Variants in PRR33 observed in about 807,000 individuals in gnomAD.
PRR33 encodes proline-rich protein 33.
A neutral mutation model predicts 0.5 loss-of-function variants in PRR33; 1 was observed. That is an observed-to-expected ratio of 2.18 (90% CI 0.77 to 10.34). The LOEUF is 10.34. Among genes scored for constraint, PRR33 ranks in the 30% most tolerant of loss-of-function variants. The probability of loss-of-function intolerance (pLI) is 0.13; values close to 1 mark genes in which losing one functional copy is unlikely to be tolerated. For missense variants in PRR33, 552 were observed against 251.8 expected (o/e 2.19, Z -8.07); for synonymous variants, 226 against 110.0 (o/e 2.06, Z -6.60).
At chr11:1,907,407 C>G in the PRR33 span, among the ~76,000 whole-genome samples, 1 of 152,178 alleles carries the variant, frequency 6.6e-6, no homozygotes, top group East Asian at 1.9e-4. Context: ...CAGCACACAT[C>G]TCTCTAGCTT....
chr11:1,914,787 G>A, the PRR33 span, among the ~76,000 whole-genome samples: 1 of 145,314 alleles, frequency 6.9e-6, no homozygotes, highest in Non-Finnish European at 1.5e-5. Context: ...TGTGGGTTGT[G>A]GGGTGTACAC....
upstream of PRR33, among the ~76,000 whole-genome samples, chr11:1,894,933 A>C (rs1298580344): frequency 1.3e-5 from 2 of 152,072 alleles, no homozygotes; most frequent in African/African-American, 4.8e-5. Flanking sequence ...CATCTCGCTG[A>C]CTTTGGCCCT....
the PRR33 span, among the ~76,000 whole-genome samples, chr11:1,905,755 G>A: frequency 6.6e-6 from 1 of 151,638 alleles, no homozygotes; most frequent in Non-Finnish European, 1.5e-5. Flanking sequence ...CACCTGGCCA[G>A]TTAAACCATA....
chr11:1,909,642 T>C, the PRR33 span, among the ~76,000 whole-genome samples: 4 of 152,010 alleles, frequency 2.6e-5, no homozygotes, highest in Non-Finnish European at 4.4e-5. Context: ...TAGCCAGGCA[T>C]GGCAGTGGGC....
chr11:1,898,798 C>T, the PRR33 span, among the ~76,000 whole-genome samples: 3 of 152,042 alleles, frequency 2.0e-5, no homozygotes, highest in Non-Finnish European at 4.4e-5. Context: ...GTCAGGAGTT[C>T]GAGACCAGCC....
the PRR33 span, among the ~76,000 whole-genome samples, chr11:1,900,420 C>T: frequency 8.5e-5 from 13 of 152,198 alleles, no homozygotes; most frequent in Non-Finnish European, 1.9e-4. Flanking sequence ...ACCAGTCAAT[C>T]TTTCCATTAG....
the PRR33 span, among the ~76,000 whole-genome samples, chr11:1,906,693 C>T: frequency 1.3e-5 from 2 of 152,176 alleles, no homozygotes; most frequent in Admixed American, 6.6e-5. Context: ...CACCGCTGTG[C>T]GTGATAGGGT....
chr11:1,904,701 G>T, the PRR33 span, among the ~76,000 whole-genome samples: 2 of 151,332 alleles, frequency 1.3e-5, no homozygotes, highest in East Asian at 2.0e-4. Flanking sequence ...ACAGATGGGG[G>T]TCTCACTATG....
the PRR33 span, among the ~76,000 whole-genome samples, chr11:1,898,711 C>T: frequency 2.6e-5 from 4 of 151,882 alleles, no homozygotes; most frequent in African/African-American, 9.7e-5. Flanking sequence ...GCACCCTCAA[C>T]ATTTTTCACC....
chr11:1,912,071 G>A, the PRR33 span, among the ~76,000 whole-genome samples: 1 of 150,894 alleles, frequency 6.6e-6, no homozygotes, highest in South Asian at 2.1e-4. Flanking sequence ...ATGTGAGAGG[G>A]TGAGGTGGGG....
exon 1 of PRR33, chr11:1,890,304 C>T (rs1377866335): frequency 1.7e-5 from 12 of 710,568 alleles, no homozygotes; most frequent in Middle Eastern, 2.3e-4. Flanking sequence ...TTCAGGAAGG[C>T]GTGGGGCTTC....
the PRR33 span, among the ~76,000 whole-genome samples, chr11:1,912,745 C>T: frequency 6.6e-6 from 1 of 152,178 alleles, no homozygotes; most frequent in Non-Finnish European, 1.5e-5. Context: ...GCTGGGATTA[C>T]AGGCACCTGC....
chr11:1,911,591 T>G, the PRR33 span, among the ~76,000 whole-genome samples: 1 of 151,966 alleles, frequency 6.6e-6, no homozygotes, highest in Non-Finnish European at 1.5e-5. Context: ...CTAATTTTTT[T>G]TGTATTTTTG....
chr11:1,906,134 T>G, the PRR33 span, among the ~76,000 whole-genome samples: 1 of 152,064 alleles, frequency 6.6e-6, no homozygotes, highest in Non-Finnish European at 1.5e-5. Flanking sequence ...CCCCTCTGCT[T>G]CTTAATAGGG....
At chr11:1,902,749 A>T in the PRR33 span, 1 of 152,102 alleles carries the variant, frequency 6.6e-6, no homozygotes, top group East Asian at 1.9e-4. Flanking sequence ...CAAAGCAAAA[A>T]CAAGTTTACT....
At chr11:1,891,441 GCCT>G (rs1335239518) in exon 1 of PRR33, 3 of 152,326 alleles carry the variant, frequency 2.0e-5, no homozygotes, top group African/African-American at 7.2e-5. Flanking sequence ...TCAGCTACCG[GCCT>G]CCTCTGGATG....
chr11:1,890,264 C>T, exon 1 of PRR33: 1 of 713,860 alleles, frequency 1.4e-6, no homozygotes, highest in Non-Finnish European at 2.6e-6. Context: ...GGGCAGCCAC[C>T]ATGCGGGGAG....
chr11:1,917,174 G>C, the PRR33 span, among the ~76,000 whole-genome samples: 5 of 152,216 alleles, frequency 3.3e-5, no homozygotes, highest in East Asian at 9.6e-4. Flanking sequence ...CCCACAGCTG[G>C]GCCGAGCGGC....
the PRR33 span, among the ~76,000 whole-genome samples, chr11:1,912,903 C>T: frequency 1.3e-4 from 20 of 152,280 alleles, no homozygotes; most frequent in South Asian, 3.9e-3. Context: ...CCACTGCGCC[C>T]GGCCAACACA....
Sources: gnomAD v4.1 joint callset for allele counts (sites outside exome capture counted in the v4.1 genomes callset) on GRCh38, gnomAD v4.1.1 for gene constraint, MANE v1.5 for transcripts, NCBI Gene and HGNC (gene_info 2026-07-23, HGNC 2026-07-21) for gene names.